Variants in DLG2 observed in about 807,000 individuals in gnomAD.
DLG2 encodes the protein disks large homolog 2.
In DLG2, 45 loss-of-function variants were observed where a neutral mutation model predicts 132.5. That is an observed-to-expected ratio of 0.34 (90% CI 0.27 to 0.44). The LOEUF (loss-of-function observed/expected upper bound fraction) is 0.44, where lower values mean the gene tolerates loss of function less well. Ranked by LOEUF, DLG2 falls within the 20% of genes least tolerant of loss-of-function variation. The probability of loss-of-function intolerance (pLI) is 1.00; values close to 1 mark genes in which losing one functional copy is unlikely to be tolerated. For missense variants in DLG2, 1,045 were observed against 1,196.9 expected, an observed-to-expected ratio of 0.87 and a Z score of 1.87; for synonymous variants, 424 against 419.6, an observed-to-expected ratio of 1.01 and a Z score of -0.13.
At chr11:85,558,858 CG>C (rs1444121615) in intron 3 of DLG2, among the ~76,000 whole-genome samples, 4 of 151,714 alleles carry the variant, frequency 2.6e-5, no homozygotes, top group Non-Finnish European at 4.4e-5. Flanking sequence ...TCCTGGGTGA[CG>C]GGATCAATCA....
At chr11:84,105,929 T>C (rs903944676) in intron 9 of DLG2, among the ~76,000 whole-genome samples, 15 of 152,150 alleles carry the variant, frequency 9.9e-5, no homozygotes, top group Non-Finnish European at 1.2e-4. Context: ...TAATTTAATA[T>C]AGTTTATACT....
At chr11:83,941,046 T>C (rs1425085165) in intron 14 of DLG2, among the ~76,000 whole-genome samples, 1 of 152,248 alleles carries the variant, frequency 6.6e-6, no homozygotes, top group Non-Finnish European at 1.5e-5. Flanking sequence ...ACCATGTTTC[T>C]GGCCATGTCT....
intron 6 of DLG2, among the ~76,000 whole-genome samples, chr11:84,701,340 T>C (rs2059206058): frequency 6.6e-6 from 1 of 151,684 alleles, no homozygotes; most frequent in Admixed American, 6.6e-5. Flanking sequence ...AATGTCACAC[T>C]TCCATTCTTT....
In DLG2 at chr11:83,753,917, C is replaced by A. The variant is rs925855826; in HGVS notation, c.1825+32773G>T. On this transcript the variant is annotated intron_variant, in intron 18 of 27. Transcript: ENST00000376104. ...TCATATATATATTTCATATATATTT[C>A]ATATATATAGTGTCTATTTCATAGC... is the stretch of plus-strand genomic sequence containing the variant. 5.4e-5 allele frequency among the ~76,000 whole-genome samples: 7 copies of A among 129,772 alleles called. No homozygotes were observed. The South Asian group carries it at 1.4e-3, about 26-fold the overall frequency. The allele number at this position is 129,772 out of a possible 152,430, so 85.1% of individuals were successfully genotyped here. A position where few individuals can be genotyped will look rare whatever the true frequency, so the allele number is the denominator to read the frequency against.
intron 3 of DLG2, among the ~76,000 whole-genome samples, chr11:85,342,880 AAAGT>A (rs1330496850): frequency 6.6e-6 from 1 of 152,226 alleles, no homozygotes; most frequent in Non-Finnish European, 1.5e-5. Context: ...GGTGTGTAAT[AAAGT>A]AATAACATAC....
intron 7 of DLG2, among the ~76,000 whole-genome samples, chr11:84,361,282 T>C (rs767240639): frequency 4.6e-5 from 7 of 151,830 alleles, no homozygotes; most frequent in Non-Finnish European, 7.4e-5. Context: ...AAACCATACA[T>C]CATGATCAAA....
At chr11:84,860,690 T>G (rs1424402395) in intron 6 of DLG2, among the ~76,000 whole-genome samples, 1 of 152,140 alleles carries the variant, frequency 6.6e-6, no homozygotes, top group African/African-American at 2.4e-5. Flanking sequence ...GACCAAACTC[T>G]GCCTTCTTTT....
At chr11:85,255,078 TA>T (rs755707627) in intron 4 of DLG2, among the ~76,000 whole-genome samples, 83 of 152,120 alleles carry the variant, frequency 5.5e-4, no homozygotes, top group Middle Eastern at 3.4e-3. Context: ...TGAATCAAAG[TA>T]AACTAAAATT....
chr11:83,651,626 GAA>G (rs1203084232), intron 18 of DLG2: 1 of 266,758 alleles, frequency 3.7e-6, no homozygotes, highest in Non-Finnish European at 7.7e-6. Context: ...TGTTGAAGAA[GAA>G]GAAAGAAGAG....
At chr11:84,891,856 A>C (rs2154064270) in intron 6 of DLG2, among the ~76,000 whole-genome samples, 1 of 152,316 alleles carries the variant, frequency 6.6e-6, no homozygotes, top group Non-Finnish European at 1.5e-5. Context: ...CTGCCCTCAA[A>C]GAATCTATAT....
chr11:85,365,846 C>T (rs1371217126), intron 3 of DLG2, among the ~76,000 whole-genome samples: 1 of 152,118 alleles, frequency 6.6e-6, no homozygotes, highest in Admixed American at 6.6e-5. Flanking sequence ...GAAAACAAAA[C>T]ACCCCATGTT....
intron 18 of DLG2, among the ~76,000 whole-genome samples, chr11:83,688,519 G>C (rs1416282281): frequency 8.5e-5 from 13 of 152,142 alleles, no homozygotes; most frequent in African/African-American, 3.1e-4. Context: ...AGATGGACCA[G>C]CCTGGAGAGT....
intron 6 of DLG2, among the ~76,000 whole-genome samples, chr11:84,948,052 A>C (rs1470066651): frequency 6.6e-6 from 1 of 152,222 alleles, no homozygotes; most frequent in African/African-American, 2.4e-5. Context: ...TACCTTTTGT[A>C]TCAGAGTTTT....
chr11:85,548,201 C>T (rs1220696107), intron 3 of DLG2, among the ~76,000 whole-genome samples: 1 of 152,126 alleles, frequency 6.6e-6, no homozygotes, highest in Non-Finnish European at 1.5e-5. Context: ...GATGTTGATA[C>T]TATTCCTTTC....
intron 6 of DLG2, among the ~76,000 whole-genome samples, chr11:84,535,148 T>C (rs1270537562): frequency 1.3e-5 from 2 of 152,212 alleles, no homozygotes; most frequent in African/African-American, 4.8e-5. Context: ...AATTCCAATA[T>C]ATCCCATTTA....
At chr11:84,836,335 C>G (rs1488953984) in intron 6 of DLG2, among the ~76,000 whole-genome samples, 4 of 151,590 alleles carry the variant, frequency 2.6e-5, no homozygotes, top group Non-Finnish European at 5.9e-5. Flanking sequence ...TTTTGAGTGC[C>G]AATGTACCCG....
chr11:83,692,434 G>T (rs1269494195), intron 18 of DLG2, among the ~76,000 whole-genome samples: 1 of 152,184 alleles, frequency 6.6e-6, no homozygotes, highest in Non-Finnish European at 1.5e-5. Context: ...CCTAGAATAG[G>T]CAAATCCATA....
chr11:84,139,099 C>G lies in DLG2; in HGVS notation c.624+24362G>C, dbSNP rs1275072489. 3.3e-5 allele frequency among the ~76,000 whole-genome samples: 5 copies of G among 152,112 alleles called. No individual in the cohort carries two copies. The South Asian group carries it at 1.0e-3, about 31-fold the overall frequency. On this transcript the variant is annotated intron_variant, in intron 9 of 27. Transcript: ENST00000376104. ...AATAGTTACATAGAACAAGAAGAGTCAAGTCTAGTTGACATTTTATGATAG... is the reference window on the plus strand; with the variant it reads ...AATAGTTACATAGAACAAGAAGAGTGAAGTCTAGTTGACATTTTATGATAG...
chr11:84,590,373 G>A (rs1191730150), intron 6 of DLG2, among the ~76,000 whole-genome samples: 1 of 152,132 alleles, frequency 6.6e-6, no homozygotes, highest in African/African-American at 2.4e-5. Flanking sequence ...GGCTATGCTT[G>A]GCACGTTTTT....
Sources: allele counts gnomAD v4.1 joint callset (sites outside exome capture counted in the v4.1 genomes callset), GRCh38; gene constraint gnomAD v4.1.1; transcripts MANE v1.5; gene names NCBI Gene and HGNC (gene_info 2026-07-23, HGNC 2026-07-21).